The following FBXW7 variants were observed in gnomAD, a reference collection of about 807,000 sequenced individuals.
The protein encoded by FBXW7 is F-box and WD repeat domain containing 7, also known as F-box/WD repeat-containing protein 7.
FBXW7 carries 11 observed loss-of-function variants against 86.3 expected under a neutral mutation model. The ratio of observed to expected loss-of-function variants is 0.13; its 90% CI spans 0.08 to 0.21. The LOEUF (loss-of-function observed/expected upper bound fraction) is 0.21. Among genes scored for constraint, FBXW7 ranks in the 10% least tolerant of loss-of-function variants. FBXW7 has a pLI of 1.00. For synonymous variants in FBXW7, 313 were observed against 297.9 expected (o/e 1.05, Z -0.52); for missense variants, 488 against 847.4 (o/e 0.58, Z 5.27).
At chr4:152,533,205 A>G (rs866154560) in intron 2 of FBXW7, among the ~76,000 whole-genome samples, 48 of 151,352 alleles carry the variant, frequency 3.2e-4, no homozygotes, top group African/African-American at 1.1e-3. Context: ...AAAAAAAAAT[A>G]CCGTAATTTT....
At chr4:152,454,259 C>A (rs866726432) in intron 2 of FBXW7, among the ~76,000 whole-genome samples, 31 of 131,440 alleles carry the variant, frequency 2.4e-4, no homozygotes, top group Middle Eastern at 3.8e-3. Flanking sequence ...AAGCCCCCCC[C>A]CCCTTTTTTT....
At chr4:152,359,409 T>C (rs1220651635) in intron 4 of FBXW7, among the ~76,000 whole-genome samples, 1 of 152,014 alleles carries the variant, frequency 6.6e-6, no homozygotes, top group Non-Finnish European at 1.5e-5. Context: ...AAGACCAGCC[T>C]GGGCAATATA....
At chr4:152,529,308 G>T (rs1470445307) in intron 2 of FBXW7, among the ~76,000 whole-genome samples, 2 of 152,038 alleles carry the variant, frequency 1.3e-5, no homozygotes, top group Non-Finnish European at 2.9e-5. Context: ...ACTTTATAGT[G>T]ACCTTCTAAA....
intron 6 of FBXW7, among the ~76,000 whole-genome samples, chr4:152,346,445 T>TA (rs1479435205): frequency 1.3e-5 from 2 of 152,214 alleles, no homozygotes; most frequent in African/African-American, 4.8e-5. Context: ...AGTGCACAGT[T>TA]ACACAAATAA....
intron 4 of FBXW7, chr4:152,352,356 A>C: frequency 3.0e-6 from 4 of 1,312,004 alleles, no homozygotes; most frequent in Non-Finnish European, 3.2e-6. Context: ...CCAGACATCC[A>C]GCCACCCACC....
intron 2 of FBXW7, among the ~76,000 whole-genome samples, chr4:152,421,132 C>G (rs1289801264): frequency 1.3e-5 from 2 of 152,058 alleles, no homozygotes; most frequent in African/African-American, 4.8e-5. Context: ...TGCTACTTTA[C>G]CTTGTACTTA....
At chr4:152,386,091 A>G (rs1339337905) in intron 4 of FBXW7, among the ~76,000 whole-genome samples, 1 of 152,102 alleles carries the variant, frequency 6.6e-6, no homozygotes, top group African/African-American at 2.4e-5. Flanking sequence ...TTCAAAATGT[A>G]GCTAATTCCA....
chr4:152,535,828 C>G lies in FBXW7; in HGVS notation c.-914G>C, dbSNP rs928562914. 2 of 393,062 alleles carry G rather than the reference C, an allele frequency of 5.1e-6. No homozygotes were observed. Among genetic ancestry groups the G allele is most frequent in the Non-Finnish European group, 4.5e-6 (1 of 222,800 alleles). The allele number at this position is 393,062 out of a possible 1,614,324, so 24.3% of individuals were successfully genotyped here. Reference sequence around the variant, plus strand: ...GCCGGCTCCGGCTCAGGCTCGGGCTCCGGCTCTGGCTCCGGCTCCGGCGTG... The same window carrying G: ...GCCGGCTCCGGCTCAGGCTCGGGCTGCGGCTCTGGCTCCGGCTCCGGCGTG... On this transcript the variant is annotated 5_prime_UTR_variant, in exon 1 of 14. Transcript: ENST00000281708.
At chr4:152,324,106 G>A in intron 13 of FBXW7, 78 bp downstream of exon 13, 1 of 1,132,630 alleles carries the variant, frequency 8.8e-7, no homozygotes, top group Non-Finnish European at 1.3e-6. Flanking sequence ...GACTCTTTTT[G>A]TGATGCTAAG....
intron 4 of FBXW7, among the ~76,000 whole-genome samples, chr4:152,358,334 A>G (rs372226725): frequency 2.0e-5 from 3 of 152,084 alleles, no homozygotes; most frequent in Non-Finnish European, 4.4e-5. Flanking sequence ...ACACAAATCC[A>G]TATTTATTGC....
At chr4:152,353,162 TC>T (rs1455321244) in intron 4 of FBXW7, among the ~76,000 whole-genome samples, 1 of 152,114 alleles carries the variant, frequency 6.6e-6, no homozygotes, top group Non-Finnish European at 1.5e-5. Flanking sequence ...TTTCATACGG[TC>T]CCCCTGAACT....
intron 2 of FBXW7, among the ~76,000 whole-genome samples, chr4:152,515,101 G>A (rs1213443722): frequency 1.3e-5 from 2 of 152,058 alleles, no homozygotes; most frequent in Non-Finnish European, 2.9e-5. Flanking sequence ...AGAACATCTA[G>A]GAAACATACT....
At chr4:152,366,897 C>A (rs1358390771) in intron 4 of FBXW7, among the ~76,000 whole-genome samples, 1 of 152,064 alleles carries the variant, frequency 6.6e-6, no homozygotes, top group Non-Finnish European at 1.5e-5. Flanking sequence ...CAATGATAGA[C>A]TGGATTAAGA....
intron 2 of FBXW7, among the ~76,000 whole-genome samples, chr4:152,422,366 A>G (rs1389534358): frequency 6.6e-6 from 1 of 152,212 alleles, no homozygotes; most frequent in Non-Finnish European, 1.5e-5. Context: ...ATGTAGTTGT[A>G]AGCGCAGTAA....
At chr4:152,399,694 A>G (rs1736739634) in intron 4 of FBXW7, among the ~76,000 whole-genome samples, 1 of 152,212 alleles carries the variant, frequency 6.6e-6, no homozygotes, top group Non-Finnish European at 1.5e-5. Flanking sequence ...TGACAAATAC[A>G]GTATCATTTA....
At chr4:152,433,646 C>T (rs149718052) in intron 2 of FBXW7, among the ~76,000 whole-genome samples, 1 of 152,260 alleles carries the variant, frequency 6.6e-6, no homozygotes, top group Non-Finnish European at 1.5e-5. Context: ...ACACTGAAGT[C>T]ATGGTGACTG....
At chr4:152,533,435 T>C (rs1561010413) in intron 2 of FBXW7, among the ~76,000 whole-genome samples, 1 of 152,160 alleles carries the variant, frequency 6.6e-6, no homozygotes, top group South Asian at 2.1e-4. Flanking sequence ...GATTCTAACA[T>C]TACATCCACT....
intron 2 of FBXW7, among the ~76,000 whole-genome samples, chr4:152,513,150 C>T (rs549581380): frequency 1.3e-5 from 2 of 152,274 alleles, no homozygotes; most frequent in East Asian, 3.9e-4. Context: ...TGAGCCATTG[C>T]GCCTGGCCTG....
At chr4:152,440,575 C>T (rs1452875209) in intron 2 of FBXW7, among the ~76,000 whole-genome samples, 3 of 152,138 alleles carry the variant, frequency 2.0e-5, no homozygotes, top group African/African-American at 7.2e-5. Context: ...TGTTTTACAT[C>T]AAGGCATTTT....
Sources: allele counts gnomAD v4.1 joint callset (sites outside exome capture counted in the v4.1 genomes callset), GRCh38; gene constraint gnomAD v4.1.1; transcripts MANE v1.5; gene names NCBI Gene and HGNC (gene_info 2026-07-23, HGNC 2026-07-21).